ROBO2: variants seen among roughly 807,000 people sequenced by gnomAD.
ROBO2 encodes roundabout guidance receptor 2, also known as roundabout homolog 2.
Under a neutral mutation model 160.8 loss-of-function variants are expected in ROBO2, and 53 were observed. The observed-to-expected ratio is 0.33, with a 90% confidence interval of 0.26 to 0.41. The LOEUF (loss-of-function observed/expected upper bound fraction) is 0.41, where lower values mean the gene tolerates loss of function less well. ROBO2 is among the 10% of genes least tolerant of loss of function. The pLI is 1.00. For synonymous variants in ROBO2, 664 were observed against 611.7 expected (o/e 1.09, Z -1.26); for missense variants, 1,577 against 1,722.4 (o/e 0.92, Z 1.49).
intron 6 of ROBO2, among the ~76,000 whole-genome samples, chr3:77,534,216 T>C (rs2091942728): frequency 6.6e-6 from 1 of 152,108 alleles, no homozygotes; most frequent in African/African-American, 2.4e-5. Flanking sequence ...TTGTACTCAA[T>C]ACAGGAAAGT....
At chr3:76,901,568 C>CAAAAAAAAAAAAAA (rs34372046) in intron 2 of ROBO2, among the ~76,000 whole-genome samples, 1 of 75,874 alleles carries the variant, frequency 1.3e-5, no homozygotes, top group Non-Finnish European at 2.3e-5. Flanking sequence ...AATTTCATCT[C>CAAAAAAAAAAAAAA]AAAAAAAAAA....
intron 2 of ROBO2, among the ~76,000 whole-genome samples, chr3:77,122,017 A>G (rs917642825): frequency 1.3e-5 from 2 of 152,086 alleles, no homozygotes; most frequent in East Asian, 1.9e-4. Context: ...TTGAATTTCC[A>G]TGTGTTAGTT....
chr3:77,514,930 A>T (rs2089839695), intron 5 of ROBO2, among the ~76,000 whole-genome samples: 1 of 151,710 alleles, frequency 6.6e-6, no homozygotes, highest in East Asian at 2.0e-4. Flanking sequence ...GAAAGCAGAG[A>T]CTGGTAGTAG....
At chr3:76,354,030 ATC>A (rs2075024834) in intron 2 of ROBO2, among the ~76,000 whole-genome samples, 1 of 151,940 alleles carries the variant, frequency 6.6e-6, no homozygotes, top group Admixed American at 6.6e-5. Flanking sequence ...GATGTCTGAC[ATC>A]TGTTTCCCTA....
chr3:77,400,926 G>A (rs2075739026), intron 2 of ROBO2, among the ~76,000 whole-genome samples: 1 of 152,016 alleles, frequency 6.6e-6, no homozygotes. Flanking sequence ...TCCTTATTCT[G>A]TTCGAAGTCA....
At chr3:77,340,494 C>A (rs968618638) in intron 2 of ROBO2, among the ~76,000 whole-genome samples, 1 of 152,030 alleles carries the variant, frequency 6.6e-6, no homozygotes, top group African/African-American at 2.4e-5. Flanking sequence ...AATAAATATT[C>A]ATTGCCAGTT....
intron 2 of ROBO2, among the ~76,000 whole-genome samples, chr3:77,136,981 A>G (rs528512566): frequency 2.0e-4 from 31 of 152,140 alleles, no homozygotes; most frequent in African/African-American, 7.5e-4. Context: ...ACAGGGTGTT[A>G]TTATGCTACC....
chr3:76,137,679 C>A (rs764932595), intron 2 of ROBO2, among the ~76,000 whole-genome samples: 3 of 151,384 alleles, frequency 2.0e-5, no homozygotes, highest in Non-Finnish European at 4.4e-5. Flanking sequence ...GCTCTTCTTT[C>A]TGGAGAATAT....
intron 2 of ROBO2, among the ~76,000 whole-genome samples, chr3:76,460,286 A>T (rs1039252269): frequency 6.6e-6 from 1 of 152,216 alleles, no homozygotes; most frequent in Non-Finnish European, 1.5e-5. Flanking sequence ...ATTAGAAAAC[A>T]TATCAAGGTA....
At chr3:77,005,616 A>G (rs2061541486) in intron 2 of ROBO2, among the ~76,000 whole-genome samples, 1 of 152,184 alleles carries the variant, frequency 6.6e-6, no homozygotes, top group Non-Finnish European at 1.5e-5. Context: ...AGTACAGGGA[A>G]CAAAATAAGA....
At chr3:77,594,163 T>C (rs190352379) in intron 17 of ROBO2, among the ~76,000 whole-genome samples, 9 of 152,354 alleles carry the variant, frequency 5.9e-5, no homozygotes, top group Admixed American at 5.2e-4. Context: ...TTGTAGACTT[T>C]ATCCTACTAA....
intron 2 of ROBO2, among the ~76,000 whole-genome samples, chr3:76,017,547 T>C (rs2066438620): frequency 6.6e-6 from 1 of 152,146 alleles, no homozygotes; most frequent in South Asian, 2.1e-4. Flanking sequence ...AGGCAAATAT[T>C]AGATGATATC....
chr3:77,122,398 G>T (rs1373544985), intron 2 of ROBO2, among the ~76,000 whole-genome samples: 3 of 152,178 alleles, frequency 2.0e-5, no homozygotes, highest in African/African-American at 7.2e-5. Flanking sequence ...ATGTCAATTT[G>T]TGGTCATCCA....
chr3:76,438,020 T>A (rs912477354), intron 2 of ROBO2, among the ~76,000 whole-genome samples: 1 of 152,198 alleles, frequency 6.6e-6, no homozygotes, highest in African/African-American at 2.4e-5. Flanking sequence ...TGCAAAAGGT[T>A]AAGCATATAC....
intron 2 of ROBO2, among the ~76,000 whole-genome samples, chr3:76,979,647 C>G (rs1208987958): frequency 7.2e-6 from 1 of 139,292 alleles, no homozygotes; most frequent in Non-Finnish European, 1.5e-5. Flanking sequence ...TTTTTTTTTC[C>G]TTTGGGTAGA....
intron 2 of ROBO2, among the ~76,000 whole-genome samples, chr3:76,269,071 A>G (rs564847605): frequency 2.9e-4 from 44 of 152,204 alleles, no homozygotes; most frequent in African/African-American, 1.0e-3. Context: ...ATATAGTTAG[A>G]TAGAATTAAT....
intron 2 of ROBO2, among the ~76,000 whole-genome samples, chr3:76,395,557 A>G (rs1450594185): frequency 1.3e-5 from 2 of 150,182 alleles, no homozygotes; most frequent in Non-Finnish European, 3.0e-5. Context: ...AGGATCAACA[A>G]AATTGATAGA....
At chr3:77,497,095 G>A (rs940492636) in intron 5 of ROBO2, among the ~76,000 whole-genome samples, 1 of 152,044 alleles carries the variant, frequency 6.6e-6, no homozygotes, top group Non-Finnish European at 1.5e-5. Context: ...TTTTCCATGC[G>A]ACCAAGGGAC....
intron 2 of ROBO2, among the ~76,000 whole-genome samples, chr3:76,354,762 T>C (rs778326153): frequency 2.6e-5 from 4 of 151,916 alleles, no homozygotes; most frequent in Admixed American, 1.3e-4. Context: ...TTCTTTCATA[T>C]AGGAAAAACT....
Sources: allele counts gnomAD v4.1 joint callset (sites outside exome capture counted in the v4.1 genomes callset), GRCh38; gene constraint gnomAD v4.1.1; transcripts MANE v1.5; gene names NCBI Gene and HGNC (gene_info 2026-07-23, HGNC 2026-07-21).